Variants in KCNH7 observed in about 807,000 individuals in gnomAD.
The protein encoded by KCNH7 is potassium voltage-gated channel subfamily H member 7.
In KCNH7, 49 loss-of-function variants were observed where a neutral mutation model predicts 120.8. That is an observed-to-expected ratio of 0.41 (90% CI 0.32 to 0.51). The LOEUF is 0.51. KCNH7 is among the 20% of genes least tolerant of loss of function. KCNH7 has a pLI of 0.38. For synonymous variants in KCNH7, 547 were observed against 516.1 expected (o/e 1.06, Z -0.81); for missense variants, 1,097 against 1,446.6 (o/e 0.76, Z 3.92).
At chr2:162,722,817 T>TTTTTC (rs1293997451) in intron 2 of KCNH7, among the ~76,000 whole-genome samples, 1 of 144,752 alleles carries the variant, frequency 6.9e-6, no homozygotes, top group African/African-American at 2.6e-5. Flanking sequence ...TTTTTTCTTT[T>TTTTTC]TTTTTTTTTT....
intron 2 of KCNH7, among the ~76,000 whole-genome samples, chr2:162,744,260 A>C (rs1457326753): frequency 6.6e-6 from 1 of 152,196 alleles, no homozygotes; most frequent in Non-Finnish European, 1.5e-5. Context: ...AATTGTCCCA[A>C]AATACTCATT....
At chr2:162,494,002 G>A (rs1028960284) in intron 6 of KCNH7, among the ~76,000 whole-genome samples, 6 of 152,042 alleles carry the variant, frequency 3.9e-5, no homozygotes, top group Non-Finnish European at 7.4e-5. Flanking sequence ...AGCACGACAA[G>A]GTTTTCTTAA....
chr2:162,588,376 AT>A (rs1328684047), intron 2 of KCNH7, among the ~76,000 whole-genome samples: 26 of 152,070 alleles, frequency 1.7e-4, no homozygotes, highest in African/African-American at 6.3e-4. Context: ...GCAGATGTAA[AT>A]GTTTATTAAT....
intron 2 of KCNH7, among the ~76,000 whole-genome samples, chr2:162,730,082 A>T (rs1035037470): frequency 1.3e-5 from 2 of 148,742 alleles, no homozygotes; most frequent in Non-Finnish European, 3.0e-5. Context: ...TAATAAAAGT[A>T]AAAAAAAAAG....
At chr2:162,752,946 A>AG (rs1688630123) in intron 2 of KCNH7, among the ~76,000 whole-genome samples, 2 of 105,022 alleles carry the variant, frequency 1.9e-5, no homozygotes, top group African/African-American at 1.2e-4. Context: ...AAGAAAAGAA[A>AG]AGAAAAGAAA....
chr2:162,533,713 G>T (rs1692011877), intron 3 of KCNH7, among the ~76,000 whole-genome samples: 1 of 151,614 alleles, frequency 6.6e-6, no homozygotes, highest in East Asian at 1.9e-4. Flanking sequence ...AAAATACCAA[G>T]AAATATTCTA....
At chr2:162,764,642 G>A (rs1246398928) in intron 2 of KCNH7, among the ~76,000 whole-genome samples, 1 of 152,060 alleles carries the variant, frequency 6.6e-6, no homozygotes, top group Non-Finnish European at 1.5e-5. Context: ...GATCGAAACT[G>A]ACAGGGAATA....
intron 2 of KCNH7, among the ~76,000 whole-genome samples, chr2:162,549,865 A>G (rs769587557): frequency 2.0e-5 from 3 of 152,222 alleles, no homozygotes; most frequent in Non-Finnish European, 4.4e-5. Context: ...GTCATCTTGT[A>G]ACATCACTAG....
intron 2 of KCNH7, among the ~76,000 whole-genome samples, chr2:162,616,013 G>A (rs1683129111): frequency 6.6e-6 from 1 of 152,168 alleles, no homozygotes; most frequent in South Asian, 2.1e-4. Context: ...CTACACTATG[G>A]TTTTGTAAAC....
At chr2:162,591,223 C>T (rs1303692223) in intron 2 of KCNH7, among the ~76,000 whole-genome samples, 1 of 151,954 alleles carries the variant, frequency 6.6e-6, no homozygotes, top group Non-Finnish European at 1.5e-5. Flanking sequence ...TACCACATTT[C>T]TTTTATTTTT....
intron 2 of KCNH7, among the ~76,000 whole-genome samples, chr2:162,836,005 A>C (rs1344135811): frequency 1.3e-5 from 2 of 152,188 alleles, no homozygotes; most frequent in Admixed American, 6.5e-5. Flanking sequence ...TAACTGGATC[A>C]AGGTAAAAGT....
chr2:162,837,013 T>C (rs1685687834), intron 1 of KCNH7, among the ~76,000 whole-genome samples: 1 of 152,304 alleles, frequency 6.6e-6, no homozygotes. Context: ...AAGAATAGAA[T>C]TTCCCAAATA....
chr2:162,414,582 G>A (rs1035776535), intron 9 of KCNH7, among the ~76,000 whole-genome samples: 2 of 151,856 alleles, frequency 1.3e-5, no homozygotes, highest in Middle Eastern at 3.4e-3. Context: ...ATAATTAAAT[G>A]TTTTTTAGAT....
chr2:162,437,710 C>T (rs1244070103), intron 7 of KCNH7, among the ~76,000 whole-genome samples: 1 of 152,096 alleles, frequency 6.6e-6, no homozygotes, highest in Non-Finnish European at 1.5e-5. Context: ...AACAGGAACT[C>T]TATGTTTCTA....
chr2:162,818,842 C>G (rs923721531), intron 2 of KCNH7, among the ~76,000 whole-genome samples: 2 of 152,042 alleles, frequency 1.3e-5, no homozygotes, highest in East Asian at 1.9e-4. Flanking sequence ...TAAAACATGG[C>G]ACGGCAAGTG....
chr2:162,450,082 A>T (rs1484699139), intron 6 of KCNH7, among the ~76,000 whole-genome samples: 3 of 151,994 alleles, frequency 2.0e-5, no homozygotes, highest in Non-Finnish European at 4.4e-5. Flanking sequence ...AACTTCAAAG[A>T]TTTACTTGCG....
At chr2:162,794,762 G>A (rs1011536281) in intron 2 of KCNH7, among the ~76,000 whole-genome samples, 1 of 151,868 alleles carries the variant, frequency 6.6e-6, no homozygotes, top group Non-Finnish European at 1.5e-5. Context: ...ATTCCCATTA[G>A]TAATATACGA....
At chr2:162,705,503 T>C (rs1180609512) in intron 2 of KCNH7, among the ~76,000 whole-genome samples, 1 of 152,132 alleles carries the variant, frequency 6.6e-6, no homozygotes, top group Admixed American at 6.6e-5. Flanking sequence ...GTCATTTGCC[T>C]TATTTCTCAT....
chr2:162,508,935 G>T (rs536929847), intron 5 of KCNH7, among the ~76,000 whole-genome samples: 1 of 151,606 alleles, frequency 6.6e-6, no homozygotes, highest in South Asian at 2.1e-4. Flanking sequence ...CATGTAAAAC[G>T]CAGAAGCATA....
Sources: gnomAD v4.1 joint callset for allele counts (sites outside exome capture counted in the v4.1 genomes callset) on GRCh38, gnomAD v4.1.1 for gene constraint, MANE v1.5 for transcripts, NCBI Gene and HGNC (gene_info 2026-07-23, HGNC 2026-07-21) for gene names.